PRKG1: variants seen among roughly 807,000 people sequenced by gnomAD.
The protein encoded by PRKG1 is protein kinase cGMP-dependent 1.
Under a neutral mutation model 88.1 loss-of-function variants are expected in PRKG1, and 35 were observed. The observed-to-expected ratio is 0.40, with a 90% confidence interval of 0.30 to 0.53. The LOEUF (loss-of-function observed/expected upper bound fraction) is 0.53, where lower values mean the gene tolerates loss of function less well. Among genes scored for constraint, PRKG1 ranks in the 20% least tolerant of loss-of-function variants. PRKG1 has a pLI of 0.59. For synonymous variants in PRKG1, 303 were observed against 292.5 expected, an observed-to-expected ratio of 1.04 and a Z score of -0.37; for missense variants, 540 against 839.8, an observed-to-expected ratio of 0.64 and a Z score of 4.41.
chr10:51,164,593 C>T (rs1207526163), intron 2 of PRKG1, among the ~76,000 whole-genome samples: 2 of 152,274 alleles, frequency 1.3e-5, no homozygotes, highest in East Asian at 1.9e-4. Flanking sequence ...GACAATCAAA[C>T]TACTCCGAGC....
At chr10:51,160,922 A>G (rs1846343897) in intron 2 of PRKG1, among the ~76,000 whole-genome samples, 1 of 150,966 alleles carries the variant, frequency 6.6e-6, no homozygotes, top group Non-Finnish European at 1.5e-5. Context: ...GTGTGTGTCC[A>G]TGAAGGTACA....
At chr10:52,264,354 A>G (rs539320616) in intron 10 of PRKG1, among the ~76,000 whole-genome samples, 1 of 152,124 alleles carries the variant, frequency 6.6e-6, no homozygotes, top group Non-Finnish European at 1.5e-5. Flanking sequence ...TAAGATACTC[A>G]CAGTCTCTCA....
chr10:52,147,535 G>A (rs1589648640), intron 8 of PRKG1, among the ~76,000 whole-genome samples: 1 of 152,298 alleles, frequency 6.6e-6, no homozygotes, highest in South Asian at 2.1e-4. Flanking sequence ...TCTGCACTAA[G>A]ACCATGCTCT....
At chr10:51,353,604 T>A (rs751644335) in intron 2 of PRKG1, among the ~76,000 whole-genome samples, 3 of 152,150 alleles carry the variant, frequency 2.0e-5, no homozygotes, top group Non-Finnish European at 4.4e-5. Flanking sequence ...AGATATCATC[T>A]CACCTCAGTT....
intron 3 of PRKG1, among the ~76,000 whole-genome samples, chr10:51,481,185 T>TCCC: frequency 7.3e-6 from 1 of 137,772 alleles, no homozygotes; most frequent in Non-Finnish European, 1.7e-5. Context: ...CTCTCCCTCC[T>TCCC]TCCCTCCCTC....
intron 4 of PRKG1, among the ~76,000 whole-genome samples, chr10:51,865,168 A>T (rs1238554270): frequency 6.6e-6 from 1 of 152,140 alleles, no homozygotes; most frequent in East Asian, 1.9e-4. Context: ...AAAGATGCGT[A>T]TAGTGAAAAT....
At chr10:52,098,863 A>AGT (rs1847233378) in intron 7 of PRKG1, among the ~76,000 whole-genome samples, 1 of 152,190 alleles carries the variant, frequency 6.6e-6, no homozygotes, top group Non-Finnish European at 1.5e-5. Flanking sequence ...CTAAGTATCT[A>AGT]AATAACAAAC....
intron 7 of PRKG1, among the ~76,000 whole-genome samples, chr10:52,108,444 T>G (rs1301215718): frequency 6.6e-6 from 1 of 152,212 alleles, no homozygotes; most frequent in Admixed American, 6.5e-5. Context: ...TCTTGTTTCA[T>G]ATTCAAACAA....
intron 3 of PRKG1, among the ~76,000 whole-genome samples, chr10:51,609,002 ACAGT>A (rs1313961199): frequency 1.3e-5 from 2 of 152,146 alleles, no homozygotes; most frequent in Non-Finnish European, 2.9e-5. Context: ...TTATTACTAA[ACAGT>A]CAGAAAGTTT....
chr10:51,551,910 T>C (rs1259457110), intron 3 of PRKG1, among the ~76,000 whole-genome samples: 1 of 151,744 alleles, frequency 6.6e-6, no homozygotes, highest in East Asian at 1.9e-4. Flanking sequence ...TTAGTCATTA[T>C]ACATTTTATT....
At chr10:52,201,667 A>C (rs1199525076) in intron 9 of PRKG1, among the ~76,000 whole-genome samples, 1 of 152,158 alleles carries the variant, frequency 6.6e-6, no homozygotes, top group African/African-American at 2.4e-5. Context: ...AATAATATTA[A>C]TTCTGCCTAT....
chr10:51,835,889 T>G (rs1483390738), intron 4 of PRKG1, among the ~76,000 whole-genome samples: 1 of 152,198 alleles, frequency 6.6e-6, no homozygotes, highest in South Asian at 2.1e-4. Context: ...TCCTCACTGA[T>G]ACTTGTTATG....
At chr10:51,212,627 A>G (rs1384753912) in intron 2 of PRKG1, among the ~76,000 whole-genome samples, 2 of 152,204 alleles carry the variant, frequency 1.3e-5, no homozygotes, top group African/African-American at 4.8e-5. Context: ...CAAGACAAAA[A>G]CAAACAACCC....
At chr10:52,166,791 A>ATATATATATATATATATATG (rs748533502) in intron 9 of PRKG1, among the ~76,000 whole-genome samples, 18 of 36,862 alleles carry the variant, frequency 4.9e-4, no homozygotes, top group East Asian at 1.7e-3. Flanking sequence ...AAAAGCCTAT[A>ATATATATATATATATATATG]TATATACATA....
chr10:51,411,532 G>A (rs955362248), intron 2 of PRKG1, among the ~76,000 whole-genome samples: 2 of 152,122 alleles, frequency 1.3e-5, no homozygotes, highest in African/African-American at 4.8e-5. Flanking sequence ...ATAATGGCAG[G>A]GGGACGAGGT....
chr10:51,765,181 A>G (rs1161392722), intron 3 of PRKG1, among the ~76,000 whole-genome samples: 1 of 152,210 alleles, frequency 6.6e-6, no homozygotes, highest in Admixed American at 6.5e-5. Flanking sequence ...TTTAGAGGGT[A>G]TACCTTAATC....
intron 3 of PRKG1, among the ~76,000 whole-genome samples, chr10:51,641,489 C>T (rs1018062546): frequency 1.3e-5 from 2 of 152,122 alleles, no homozygotes; most frequent in Admixed American, 1.3e-4. Context: ...GGAGTCTGTG[C>T]TCACATGGAT....
chr10:51,832,072 T>C (rs967930273), intron 4 of PRKG1, among the ~76,000 whole-genome samples: 2 of 152,144 alleles, frequency 1.3e-5, no homozygotes, highest in African/African-American at 4.8e-5. Context: ...ATATCAGGCA[T>C]TTTTCAGTTG....
At chr10:51,692,464 G>A (rs1156981145) in intron 3 of PRKG1, among the ~76,000 whole-genome samples, 2 of 151,996 alleles carry the variant, frequency 1.3e-5, no homozygotes, top group Non-Finnish European at 2.9e-5. Flanking sequence ...AGGATGGTCT[G>A]AATCTCCTGA....
Sources: allele counts gnomAD v4.1 joint callset (sites outside exome capture counted in the v4.1 genomes callset), GRCh38; gene constraint gnomAD v4.1.1; transcripts MANE v1.5; gene names NCBI Gene and HGNC (gene_info 2026-07-23, HGNC 2026-07-21).